The following HYDIN variants were observed in gnomAD, a reference collection of about 807,000 sequenced individuals.
HYDIN encodes the protein axonemal central pair apparatus protein HYDIN.
HYDIN carries 132 observed loss-of-function variants against 403.9 expected under a neutral mutation model. That is an observed-to-expected ratio of 0.33 (90% CI 0.28 to 0.38). The LOEUF (loss-of-function observed/expected upper bound fraction) is 0.38. HYDIN is among the 10% of genes least tolerant of loss of function. The pLI is 1.00. For missense variants in HYDIN, 2,827 were observed against 5,009.5 expected (o/e 0.56, Z 13.15); for synonymous variants, 1,202 against 1,891.7 (o/e 0.64, Z 9.46).
chr16:70,938,765 G>T lies in HYDIN; in HGVS notation c.6854-10C>A, dbSNP rs746990502. The T allele has an allele frequency of 1.9e-6, 3 of 1,613,618 alleles. No homozygotes were observed. The highest frequency in any genetic ancestry group is 1.7e-5 in the Admixed American group (1 of 59,992). ...CCCTTGTGCTTGCGTTCTGTGAGGGGAACAGAGACGGGAAGGTGAGGAAAA... is the reference window on the plus strand; with the variant it reads ...CCCTTGTGCTTGCGTTCTGTGAGGGTAACAGAGACGGGAAGGTGAGGAAAA... On this transcript the variant is annotated splice_polypyrimidine_tract_variant and intron_variant, in intron 43 of 85. Coordinates refer to ENST00000393567, the MANE Select transcript of HYDIN (RefSeq NM_001270974.2).
At chr16:71,002,243 A>T (rs961753500) in intron 23 of HYDIN, among the ~76,000 whole-genome samples, 7 of 152,186 alleles carry the variant, frequency 4.6e-5, no homozygotes, top group African/African-American at 1.7e-4. Flanking sequence ...TGCTTTTTGT[A>T]TCTTGTTTAA....
Position 71,036,007 on chromosome 16 carries a change from T to G in HYDIN, c.2530-4090A>C, listed in dbSNP as rs540417552. ...GAGGTTAGGAAATGTAGTCTAGCCC[T>G]GGGTCTACAGTAAAGAGAGTTGAGT... On this transcript the variant is annotated intron_variant, in intron 18 of 85. Coordinates refer to ENST00000393567, the MANE Select transcript of HYDIN (RefSeq NM_001270974.2). Among the ~76,000 whole-genome samples, 39 of 151,698 alleles carry G rather than the reference T, an allele frequency of 2.6e-4. No homozygotes were observed. In the South Asian group the frequency reaches 8.0e-3, roughly 31 times the overall value.
chr16:70,944,839 G>A (rs111469813), intron 41 of HYDIN, among the ~76,000 whole-genome samples: 3,229 of 152,222 alleles, frequency 0.021, 96 homozygotes, highest in African/African-American at 0.073. Flanking sequence ...TGCAACCTCC[G>A]CCTCTCGGGT....
At chr16:70,940,470 T>C (rs8054438) in intron 43 of HYDIN, among the ~76,000 whole-genome samples, 5,326 of 151,856 alleles carry the variant, frequency 0.035, 283 homozygotes, top group African/African-American at 0.12. Context: ...AAACATGAGA[T>C]TTTAGTGTAA....
chr16:70,926,376 C>T (rs1212972733), intron 45 of HYDIN, among the ~76,000 whole-genome samples: 1 of 151,884 alleles, frequency 6.6e-6, no homozygotes, highest in African/African-American at 2.4e-5. Context: ...AAACCAAACA[C>T]CGCATGTTCT....
chr16:71,043,960 G>A (rs971442018), intron 18 of HYDIN, among the ~76,000 whole-genome samples: 2 of 151,682 alleles, frequency 1.3e-5, no homozygotes, highest in Non-Finnish European at 2.9e-5. Context: ...GAGAGAGAGA[G>A]GGAGAGGGAG....
At chr16:71,189,505 C>T (rs1237592515) in intron 1 of HYDIN, among the ~76,000 whole-genome samples, 1 of 152,100 alleles carries the variant, frequency 6.6e-6, no homozygotes, top group Non-Finnish European at 1.5e-5. Flanking sequence ...TAGTGGCTCA[C>T]ACCCGTAATC....
intron 60 of HYDIN, among the ~76,000 whole-genome samples, chr16:70,880,535 A>G (rs2040729938): frequency 6.6e-6 from 1 of 152,152 alleles, no homozygotes; most frequent in Non-Finnish European, 1.5e-5. Flanking sequence ...TGATGGTGCC[A>G]GTCCCAAGGA....
At chr16:71,052,015 CTTAA>C (rs1363301520) in intron 18 of HYDIN, among the ~76,000 whole-genome samples, 9 of 152,280 alleles carry the variant, frequency 5.9e-5, no homozygotes, top group East Asian at 3.9e-4. Flanking sequence ...AATTATAAGC[CTTAA>C]TTAAAGGATA....
At chr16:71,146,298 G>A (rs1321190475) in intron 7 of HYDIN, among the ~76,000 whole-genome samples, 2 of 145,680 alleles carry the variant, frequency 1.4e-5, no homozygotes, top group African/African-American at 2.6e-5. Context: ...CTGACACTTC[G>A]TTTCAGCAAC....
At chr16:70,976,422 C>A (rs2078889274) in intron 30 of HYDIN, among the ~76,000 whole-genome samples, 1 of 151,408 alleles carries the variant, frequency 6.6e-6, no homozygotes, top group South Asian at 2.1e-4. Context: ...CCTCAAGAAG[C>A]ACGAGGAATC....
intron 1 of HYDIN, among the ~76,000 whole-genome samples, chr16:71,210,106 C>A (rs1249689737): frequency 2.0e-5 from 3 of 152,136 alleles, no homozygotes; most frequent in Admixed American, 2.0e-4. Flanking sequence ...TGTGGCAATT[C>A]CTCAAAGAAC....
chr16:70,970,472 A>C, intron 36 of HYDIN, 48 bp downstream of exon 36: 1 of 1,601,738 alleles, frequency 6.2e-7, no homozygotes, highest in African/African-American at 1.3e-5. Context: ...TTCAAGGGGA[A>C]AAAGATGGGA....
At chr16:71,176,668 C>T (rs1180448907) in intron 4 of HYDIN, among the ~76,000 whole-genome samples, 2 of 152,200 alleles carry the variant, frequency 1.3e-5, no homozygotes, top group Admixed American at 1.3e-4. Context: ...GGAGATCCCC[C>T]AGAGCAGTCT....
chr16:71,058,764 A>G (rs1439163971), intron 18 of HYDIN, among the ~76,000 whole-genome samples: 3 of 152,126 alleles, frequency 2.0e-5, no homozygotes, highest in African/African-American at 7.2e-5. Flanking sequence ...CCCTTGAACA[A>G]CATGAGTTTG....
chr16:71,225,245 T>C (rs1005757753), intron 1 of HYDIN, among the ~76,000 whole-genome samples: 4 of 152,196 alleles, frequency 2.6e-5, no homozygotes, highest in East Asian at 3.8e-4. Flanking sequence ...TGCAGGTTTT[T>C]CGTAGCAGAC....
In HYDIN at chr16:70,992,176, G is replaced by C. The variant is rs1161787338; in HGVS notation, c.3679C>G (p.Pro1227Ala). Reference sequence around the variant, plus strand: ...GGGATGGACTCCATCTGGGACACTGGGGCACTGTAGGGCTTCTTCGGCAAT... The same window carrying C: ...GGGATGGACTCCATCTGGGACACTGCGGCACTGTAGGGCTTCTTCGGCAAT... ...VTLPKKPYSA[P>A]VSQMESIPAT... The change falls in exon 24 of 86, where the codon CCA becomes GCA. Residue 1227 changes from proline (P) to alanine (A), a missense_variant. Transcript: ENST00000393567. 1.9e-6 allele frequency: 3 copies of C among 1,603,866 alleles called. No individual in the cohort carries two copies. The Admixed American group carries it at 5.2e-5, about 28-fold the overall frequency.
chr16:71,184,603 G>T (rs1444386733), intron 3 of HYDIN, among the ~76,000 whole-genome samples: 1 of 152,124 alleles, frequency 6.6e-6, no homozygotes, highest in Non-Finnish European at 1.5e-5. Context: ...CCTAACCTGT[G>T]TAAACTATAG....
intron 47 of HYDIN, 112 bp downstream of exon 47, chr16:70,918,099 C>T (rs1774399): frequency 0.13 from 35,669 of 275,258 alleles, 4,476 homozygotes; most frequent in African/African-American, 0.21. Context: ...AATAACCCAG[C>T]GAGCAGAACA....
Sources: gnomAD v4.1 joint callset for allele counts (sites outside exome capture counted in the v4.1 genomes callset) on GRCh38, gnomAD v4.1.1 for gene constraint, MANE v1.5 for transcripts, NCBI Gene and HGNC (gene_info 2026-07-23, HGNC 2026-07-21) for gene names.